The following UBP1 variants were observed in gnomAD, a reference collection of about 807,000 sequenced individuals.
The protein encoded by UBP1 is upstream binding protein 1.
UBP1 carries 22 observed loss-of-function variants against 76.1 expected under a neutral mutation model. That is an observed-to-expected ratio of 0.29 (90% CI 0.21 to 0.41). The LOEUF (loss-of-function observed/expected upper bound fraction) is 0.41, where lower values mean the gene tolerates loss of function less well. UBP1 is among the 10% of genes least tolerant of loss of function. The probability of loss-of-function intolerance (pLI) is 1.00; values close to 1 mark genes in which losing one functional copy is unlikely to be tolerated. For missense variants in UBP1, 436 were observed against 668.1 expected (o/e 0.65, Z 3.83); for synonymous variants, 224 against 237.1 (o/e 0.94, Z 0.51).
chr3:33,402,952 TG>T, intron 8 of UBP1, 48 bp from the exon 9 acceptor site: 3 of 1,476,244 alleles, frequency 2.0e-6, no homozygotes, highest in Non-Finnish European at 2.8e-6. Context: ...TTAAAATATG[TG>T]GAAGAAATAT....
At position 33,428,054 on chromosome 3, in the gene UBP1, C is replaced by T. The variant is rs111803799; in HGVS notation, c.114-2313G>A. Among the ~76,000 whole-genome samples the T allele has an allele frequency of 1.4e-3, 218 of 152,036 alleles. 3 individuals are homozygous for T. The highest frequency in any genetic ancestry group is 5.0e-3 in the African/African-American group (206 of 41,462). On this transcript the variant is annotated intron_variant, in intron 1 of 15. Transcript: ENST00000283629. ...AAAATTAGCTGGGCGTAGTGGGGCA[C>T]GCCTGTAGTCCCAGCTACTTGGAAG...
chr3:33,426,569 C>G (rs1006966944), intron 1 of UBP1, among the ~76,000 whole-genome samples: 2 of 152,124 alleles, frequency 1.3e-5, no homozygotes, highest in Non-Finnish European at 2.9e-5. Context: ...ATCCCATACC[C>G]ATTAGTAGTC....
chr3:33,438,243 G>A (rs1314718487), intron 1 of UBP1, among the ~76,000 whole-genome samples: 2 of 152,146 alleles, frequency 1.3e-5, no homozygotes, highest in Non-Finnish European at 2.9e-5. Flanking sequence ...AAAAGTAAAA[G>A]CTCAAAATAG....
At chr3:33,401,169 C>T (rs80066236) in intron 9 of UBP1, among the ~76,000 whole-genome samples, 153 bp from the exon 10 acceptor site, 10,563 of 152,216 alleles carry the variant, frequency 0.069, 478 homozygotes, top group East Asian at 0.098. Context: ...AATGCAAGCG[C>T]AACAGCTTAG....
intron 8 of UBP1, among the ~76,000 whole-genome samples, chr3:33,404,160 C>T (rs2044349732): frequency 6.6e-6 from 1 of 152,106 alleles, no homozygotes; most frequent in African/African-American, 2.4e-5. Context: ...CGCCTGTAAT[C>T]CCAGCACTCT....
Position 33,399,739 on chromosome 3 carries a change from G to T in UBP1, c.1180+450C>A, listed in dbSNP as rs189760231. 7.9e-5 allele frequency among the ~76,000 whole-genome samples: 12 copies of T among 152,250 alleles called. No individual in the cohort carries two copies. The East Asian group carries it at 2.3e-3, about 29-fold the overall frequency. On this transcript the variant is annotated intron_variant, in intron 11 of 15. Coordinates refer to ENST00000283629, the MANE Select transcript of UBP1 (RefSeq NM_014517.5). Reference sequence around the variant, plus strand: ...TCCTGTCATCTTAATTGTGGTGGTGGTTACAAATATCTATACCATAACATA... The same window carrying T: ...TCCTGTCATCTTAATTGTGGTGGTGTTTACAAATATCTATACCATAACATA...
intron 13 of UBP1, among the ~76,000 whole-genome samples, chr3:33,395,502 C>T (rs61536275): frequency 6.6e-6 from 1 of 151,910 alleles, no homozygotes; most frequent in East Asian, 1.9e-4. Flanking sequence ...CCAAGATTAT[C>T]TCTGTCCTAA....
At chr3:33,433,068 G>GT (rs1180612079) in intron 1 of UBP1, among the ~76,000 whole-genome samples, 147 of 147,110 alleles carry the variant, frequency 1.0e-3, no homozygotes, top group East Asian at 4.6e-3. Flanking sequence ...AGAGTTTTTT[G>GT]TTTTTTTTTT....
rs2043701735 is a variant in UBP1 at position 33,390,211 on chromosome 3, G to A, written c.*120C>T. On this transcript the variant is annotated 3_prime_UTR_variant, in exon 16 of 16. Coordinates refer to ENST00000283629, the MANE Select transcript of UBP1 (RefSeq NM_014517.5). ...CAGCTCATTAGAAAGGTCATCTTGT[G>A]TTTTCAATATGAAACATTTCATATG... 4.9e-6 allele frequency: 5 copies of A among 1,013,506 alleles called. No homozygotes were observed. Among genetic ancestry groups the A allele is most frequent in the Admixed American group, 2.3e-5 (1 of 44,250 alleles). 62.8% of individuals were successfully genotyped at this position (1,013,506 alleles called of 1,614,324 possible). A position where few individuals can be genotyped will look rare whatever the true frequency, so the allele number is the denominator to read the frequency against.
At chr3:33,440,920 C>G (rs113592042), upstream of UBP1, 1 of 152,210 alleles carries the variant, frequency 6.6e-6, no homozygotes, top group African/African-American at 2.4e-5. Context: ...GGTTTGCACC[C>G]CATCTGGTGA....
chr3:33,436,546 T>C (rs909147240), intron 1 of UBP1, among the ~76,000 whole-genome samples: 7 of 152,218 alleles, frequency 4.6e-5, no homozygotes, highest in African/African-American at 1.7e-4. Flanking sequence ...AATAATTTAA[T>C]ATCAAAATTT....
At chr3:33,412,344 TAAAAAG>T (rs2044608656) in intron 4 of UBP1, among the ~76,000 whole-genome samples, 1 of 150,322 alleles carries the variant, frequency 6.7e-6, no homozygotes, top group African/African-American at 2.5e-5. Context: ...GGGAAAAAAA[TAAAAAG>T]AAAATAATGT....
chr3:33,396,355 G>C, intron 12 of UBP1, 75 bp from the exon 13 acceptor site: 1 of 1,091,584 alleles, frequency 9.2e-7, no homozygotes. Context: ...GACAACTACA[G>C]GAATCTAAGT....
chr3:33,410,291 G>A (rs1160698849), intron 5 of UBP1, among the ~76,000 whole-genome samples: 8 of 152,170 alleles, frequency 5.3e-5, no homozygotes, highest in South Asian at 2.1e-4. Context: ...GGTCATTTCT[G>A]ACTGCTGCAC....
At chr3:33,390,389 G>C (rs1056417657) in intron 15 of UBP1, 21 bp from the exon 16 acceptor site, 1 of 1,613,126 alleles carries the variant, frequency 6.2e-7, no homozygotes, top group African/African-American at 1.3e-5. Context: ...AGGAAAGACA[G>C]TATTTCTTCA....
rs1012090606 is a variant in UBP1 at position 33,439,923 on chromosome 3, G to T, written c.-75C>A. The T allele has an allele frequency of 6.5e-7, 1 of 1,541,862 alleles. No individual in the cohort carries two copies. The highest frequency in any genetic ancestry group is 8.8e-7 in the Non-Finnish European group (1 of 1,131,442). ...GAAGGAGCCGGAGCTCCGCTGGCGCGTCCTGGGGGAGGGCGCGGGTGAAGC... is the reference window on the plus strand; with the variant it reads ...GAAGGAGCCGGAGCTCCGCTGGCGCTTCCTGGGGGAGGGCGCGGGTGAAGC... On this transcript the variant is annotated 5_prime_UTR_variant, in exon 1 of 16. Coordinates refer to ENST00000283629, the MANE Select transcript of UBP1 (RefSeq NM_014517.5).
At chr3:33,421,913 A>C (rs6550221) in intron 2 of UBP1, among the ~76,000 whole-genome samples, 1 of 151,868 alleles carries the variant, frequency 6.6e-6, no homozygotes, top group Admixed American at 6.6e-5. Context: ...ACATGGTGGC[A>C]TGTGCCCATA....
At chr3:33,402,049 T>A (rs1333790979) in intron 9 of UBP1, among the ~76,000 whole-genome samples, 4 of 152,220 alleles carry the variant, frequency 2.6e-5, no homozygotes, top group Non-Finnish European at 5.9e-5. Context: ...TCAGACCTTG[T>A]CAGCATGACC....
At chr3:33,408,891 A>G in intron 7 of UBP1, 94 bp from the exon 8 acceptor site, 1 of 1,121,934 alleles carries the variant, frequency 8.9e-7, no homozygotes, top group Non-Finnish European at 1.3e-6. Context: ...CAATTAAACA[A>G]ATGCATGACT....
Sources: gnomAD v4.1 joint callset for allele counts (sites outside exome capture counted in the v4.1 genomes callset) on GRCh38, gnomAD v4.1.1 for gene constraint, MANE v1.5 for transcripts, NCBI Gene and HGNC (gene_info 2026-07-23, HGNC 2026-07-21) for gene names.